Variants in CACNA2D4 observed in about 807,000 individuals in gnomAD.
CACNA2D4 encodes voltage-dependent calcium channel subunit alpha-2/delta-4.
A neutral mutation model predicts 163.8 loss-of-function variants in CACNA2D4; 157 were observed. The ratio of observed to expected loss-of-function variants is 0.96; its 90% CI spans 0.84 to 1.09. The LOEUF is 1.09. Among genes scored for constraint, CACNA2D4 ranks in the 50% least tolerant of loss-of-function variants. CACNA2D4 has a pLI of 0.00. For synonymous variants in CACNA2D4, 598 were observed against 586.9 expected (o/e 1.02, Z -0.27); for missense variants, 1,410 against 1,479.9 (o/e 0.95, Z 0.78).
In CACNA2D4 at chr12:1,793,728, T is replaced by C; in HGVS notation, c.3341A>G (p.Asp1114Gly). Residue 1114 changes from aspartate (D) to glycine (G), a missense_variant, in exon 38 of 38, where the codon GAC becomes GGC. Asp to Gly is a moderately conservative substitution (Grantham distance 94, BLOSUM62 -1). Transcript: ENST00000382722. ...ENAQDCGGAS[D>G]TSASPPLLLL... ...GAGTAGGGGCGGCGAGGCTGAGGTGTCCGAGGCGCCGCCGCAGTCCTGGGC... is the reference window on the plus strand; with the variant it reads ...GAGTAGGGGCGGCGAGGCTGAGGTGCCCGAGGCGCCGCCGCAGTCCTGGGC... The C allele has an allele frequency of 5.0e-6, 8 of 1,613,190 alleles. No homozygotes were observed. Among genetic ancestry groups the C allele is most frequent in the Non-Finnish European group, 6.8e-6 (8 of 1,179,840 alleles).
chr12:1,886,475 C>T, intron 7 of CACNA2D4, 102 bp from the exon 8 acceptor site: 1 of 1,143,588 alleles, frequency 8.7e-7, no homozygotes, highest in Non-Finnish European at 1.2e-6. Flanking sequence ...CTGGCTCGAG[C>T]CCACCCAAAG....
At chr12:1,817,147 C>T (rs956708196) in intron 26 of CACNA2D4, among the ~76,000 whole-genome samples, 4 of 152,146 alleles carry the variant, frequency 2.6e-5, no homozygotes, top group Admixed American at 2.0e-4. Context: ...GCTGAGGACC[C>T]GACAGGTGCA....
intron 18 of CACNA2D4, among the ~76,000 whole-genome samples, chr12:1,867,481 G>A (rs541452579): frequency 2.0e-5 from 3 of 152,116 alleles, no homozygotes; most frequent in African/African-American, 7.2e-5. Flanking sequence ...ACAACCTGCT[G>A]GGAAGCCTAT....
chr12:1,861,905 C>T (rs754335374), intron 18 of CACNA2D4, among the ~76,000 whole-genome samples: 8 of 152,220 alleles, frequency 5.3e-5, no homozygotes, highest in Non-Finnish European at 8.8e-5. Flanking sequence ...TCCCATCCCA[C>T]TCCTTCACAG....
chr12:1,906,879 C>T (rs1866671198), intron 6 of CACNA2D4, among the ~76,000 whole-genome samples: 2 of 152,310 alleles, frequency 1.3e-5, no homozygotes, highest in South Asian at 4.1e-4. Flanking sequence ...TTTAAGACTT[C>T]CTGGACTGTG....
intron 23 of CACNA2D4, among the ~76,000 whole-genome samples, chr12:1,850,588 A>G (rs577132998): frequency 1.3e-5 from 2 of 152,162 alleles, no homozygotes; most frequent in African/African-American, 4.8e-5. Flanking sequence ...CCATAGAAAC[A>G]TATTTTTTTC....
chr12:1,914,238 G>C (rs1405484179), intron 2 of CACNA2D4, among the ~76,000 whole-genome samples: 1 of 152,218 alleles, frequency 6.6e-6, no homozygotes, highest in Admixed American at 6.5e-5. Flanking sequence ...CTTAGTGAGT[G>C]GCAATGATAG....
intron 6 of CACNA2D4, among the ~76,000 whole-genome samples, chr12:1,888,131 C>G (rs1866195705): frequency 6.6e-6 from 1 of 152,280 alleles, no homozygotes; most frequent in Non-Finnish European, 1.5e-5. Context: ...CTGACCTAGT[C>G]TTGCAGGCAG....
Position 1,853,998 on chromosome 12 carries a change from T to C in CACNA2D4, c.2199A>G (p.Thr733=), listed in dbSNP as rs1195588225. The C allele has an allele frequency of 6.2e-7, 1 of 1,612,850 alleles. No homozygotes were observed. The highest frequency in any genetic ancestry group is 1.3e-5 in the African/African-American group (1 of 74,878). The change falls in exon 23 of 38, where the codon ACA becomes ACG. Residue 733 remains threonine, a synonymous_variant. Transcript: ENST00000382722. ...CTGTCCAGTAGGCTTCCATGGGGGC[T>C]GTCACCACCGCGTCAAACAGCACCT... ...VREVLFDAVV[T]APMEAYWTAL... is the part of the protein sequence containing the mutation.
intron 6 of CACNA2D4, among the ~76,000 whole-genome samples, chr12:1,891,057 G>T (rs547735328): frequency 2.6e-5 from 4 of 152,292 alleles, no homozygotes; most frequent in African/African-American, 9.6e-5. Flanking sequence ...GGGACTGAAA[G>T]CCTGCCCAAC....
chr12:1,840,457 G>T (rs1474678274), intron 26 of CACNA2D4, among the ~76,000 whole-genome samples: 3 of 146,998 alleles, frequency 2.0e-5, no homozygotes, highest in Admixed American at 6.7e-5. Context: ...GGTGGGTGGG[G>T]GGCGGCGGGG....
In CACNA2D4 at chr12:1,829,745, G is replaced by A. The variant is rs776152868; in HGVS notation, c.2551+10994C>T. Among the ~76,000 whole-genome samples the A allele has an allele frequency of 2.0e-5, 3 of 148,596 alleles. No homozygotes were observed. Among genetic ancestry groups the A allele is most frequent in the Non-Finnish European group, 4.5e-5 (3 of 67,182 alleles). ...CCCAGGTCCCATGTCAGGGTGGGCCGATGGGCTGTGAGCTGGGTCTGAACT... is the reference window on the plus strand; with the variant it reads ...CCCAGGTCCCATGTCAGGGTGGGCCAATGGGCTGTGAGCTGGGTCTGAACT... On this transcript the variant is annotated intron_variant, in intron 26 of 37. Coordinates refer to ENST00000382722, the MANE Select transcript of CACNA2D4 (RefSeq NM_172364.5). This position sits in a 1 kb window ranked among gnomAD's most constrained non-coding sequence, Gnocchi z 4.2.
At position 1,879,880 on chromosome 12, in the gene CACNA2D4, A is replaced by T. The variant is rs1392196681; in HGVS notation, c.1487T>A (p.Leu496His). 2.5e-6 allele frequency: 4 copies of T among 1,593,856 alleles called. No individual in the cohort carries two copies. Among genetic ancestry groups the T allele is most frequent in the Middle Eastern group, 1.7e-4 (1 of 6,020 alleles). The change falls in exon 14 of 38, where the codon CTC (leucine) becomes CAC (histidine). Residue 496 changes from leucine (L) to histidine (H), a missense_variant and splice_region_variant. Physicochemically the swap from Leu to His is moderately conservative, Grantham distance 99. Transcript: ENST00000382722. The stretch of plus-strand genomic sequence containing the variant: ...CAGGCTCTGAGCCTGCGAGCTGAGG[A>T]GCTGTAAGGGAGGGGAGAACAGGGG... ...IWTEAYMDSKLLSSQAQSLTL... is the reference protein window; with the variant it reads ...IWTEAYMDSKHLSSQAQSLTL...
At chr12:1,904,076 A>G (rs1021514488) in intron 6 of CACNA2D4, among the ~76,000 whole-genome samples, 2 of 152,120 alleles carry the variant, frequency 1.3e-5, no homozygotes, top group African/African-American at 4.8e-5. Context: ...TTGCAACAAC[A>G]TGAATGGAAC....
chr12:1,857,279 C>T (rs752658788), intron 20 of CACNA2D4, among the ~76,000 whole-genome samples: 3 of 152,186 alleles, frequency 2.0e-5, no homozygotes, highest in Admixed American at 1.3e-4. Context: ...AGCTCCCAGA[C>T]AGATGACAGC....
At chr12:1,909,595 C>T (rs1040046916) in intron 4 of CACNA2D4, among the ~76,000 whole-genome samples, 9 of 152,240 alleles carry the variant, frequency 5.9e-5, no homozygotes, top group South Asian at 2.1e-4. Context: ...AGCCCCAGGC[C>T]GCCCTGTCTG....
intron 26 of CACNA2D4, chr12:1,835,595 A>G (rs551389052): frequency 1.3e-5 from 2 of 152,782 alleles, no homozygotes; most frequent in East Asian, 3.9e-4. Flanking sequence ...CAGTAACACC[A>G]GGATCCTTTG....
chr12:1,797,680 A>T, intron 34 of CACNA2D4, 145 bp from the exon 35 acceptor site: 6 of 667,290 alleles, frequency 9.0e-6, no homozygotes, highest in East Asian at 3.0e-5. Context: ...GCGTGGGAGG[A>T]GCCGGGCGGG....
At chr12:1,842,513 GTGGGCTGTGGAGAGGAAGTGGGCC>G (rs1457045507) in intron 25 of CACNA2D4, among the ~76,000 whole-genome samples, 12 of 152,314 alleles carry the variant, frequency 7.9e-5, no homozygotes, top group African/African-American at 2.2e-4. Flanking sequence ...GAGCGAGTGA[GTGGGCTGTGGAGAGGAAGTGGGCC>G]CCGCCTCCCT....
Sources: allele counts gnomAD v4.1 joint callset (sites outside exome capture counted in the v4.1 genomes callset), GRCh38; gene constraint gnomAD v4.1.1; non-coding constraint Gnocchi (gnomAD v3.1); transcripts MANE v1.5; gene names NCBI Gene and HGNC (gene_info 2026-07-23, HGNC 2026-07-21).